The following TASOR variants were observed in gnomAD, a reference collection of about 807,000 sequenced individuals.
TASOR encodes protein TASOR.
TASOR carries 53 observed loss-of-function variants against 178.6 expected under a neutral mutation model. That is an observed-to-expected ratio of 0.30 (90% CI 0.24 to 0.37). The LOEUF (loss-of-function observed/expected upper bound fraction) is 0.37, where lower values mean the gene tolerates loss of function less well. TASOR is among the 10% of genes least tolerant of loss of function. The probability of loss-of-function intolerance (pLI) is 1.00; values close to 1 mark genes in which losing one functional copy is unlikely to be tolerated. For synonymous variants in TASOR, 713 were observed against 696.2 expected (o/e 1.02, Z -0.38); for missense variants, 1,815 against 1,971.4 (o/e 0.92, Z 1.50).
Position 56,624,662 on chromosome 3 carries a change from T to G in TASOR, c.4319-19A>C, listed in dbSNP as rs1188581571. On this transcript the variant is annotated intron_variant, in intron 22 of 23. Coordinates refer to ENST00000683822, the MANE Select transcript of TASOR (RefSeq NM_001365635.2). ...TTCTTCTCTAAATTAAGAAAAAAAG[T>G]TTCATGTATGAAACACTTCAAAATA... 6.2e-7 allele frequency: 1 copy of G among 1,602,362 alleles called. No homozygotes were observed. Among genetic ancestry groups the G allele is most frequent in the Non-Finnish European group, 8.5e-7 (1 of 1,174,934 alleles).
chr3:56,669,514 C>CA (rs1309379548), intron 5 of TASOR, among the ~76,000 whole-genome samples, 186 bp downstream of exon 5: 1 of 151,340 alleles, frequency 6.6e-6, no homozygotes, highest in Non-Finnish European at 1.5e-5. Context: ...CTCAAAAAAC[C>CA]AAAAAACAAA....
chr3:56,658,779 T>G (rs918345595), intron 11 of TASOR, among the ~76,000 whole-genome samples: 1 of 152,082 alleles, frequency 6.6e-6, no homozygotes, highest in Non-Finnish European at 1.5e-5. Context: ...TCGTGGCACA[T>G]GCCTCTAATC....
Position 56,622,946 on chromosome 3 carries a change from G to T in TASOR, c.*91C>A. 1 of 832,152 alleles carries T rather than the reference G, an allele frequency of 1.2e-6. No homozygotes were observed. The highest frequency in any genetic ancestry group is 1.8e-6 in the Non-Finnish European group (1 of 566,566). 51.5% of individuals were successfully genotyped at this position (832,152 alleles called of 1,614,324 possible). Reference sequence around the variant, plus strand: ...TTTAAATAAAAGAAAAAACATTTGAGAAAGAACAAGAACCTTTTGTTTAGA... The same window carrying T: ...TTTAAATAAAAGAAAAAACATTTGATAAAGAACAAGAACCTTTTGTTTAGA... On this transcript the variant is annotated 3_prime_UTR_variant, in exon 24 of 24. Coordinates refer to ENST00000683822, the MANE Select transcript of TASOR (RefSeq NM_001365635.2).
chr3:56,636,404 GTGT>G (rs1319501306), intron 17 of TASOR, among the ~76,000 whole-genome samples: 14 of 146,952 alleles, frequency 9.5e-5, no homozygotes, highest in South Asian at 2.2e-4. Flanking sequence ...GGTGGTGGTG[GTGT>G]TGTTGTTGTT....
chr3:56,660,489 CAAAAAAAAA>C (rs35016053), intron 11 of TASOR, among the ~76,000 whole-genome samples: 1 of 66,048 alleles, frequency 1.5e-5, no homozygotes, highest in Admixed American at 1.7e-4. Context: ...GACTCCGTCT[CAAAAAAAAA>C]AAAAAAAAAA....
chr3:56,648,784 T>C, intron 13 of TASOR, 38 bp downstream of exon 13: 1 of 1,449,066 alleles, frequency 6.9e-7, no homozygotes, highest in Non-Finnish European at 9.6e-7. Context: ...ATGTTAAGTA[T>C]CTATAAGTAA....
intron 1 of TASOR, among the ~76,000 whole-genome samples, chr3:56,681,148 T>G (rs1481752663): frequency 6.8e-6 from 1 of 147,956 alleles, no homozygotes; most frequent in Non-Finnish European, 1.5e-5. Flanking sequence ...ACCTTAAAAA[T>G]AGATTTCAAA....
intron 13 of TASOR, among the ~76,000 whole-genome samples, chr3:56,647,903 A>G (rs13068670): frequency 0.033 from 5,089 of 152,334 alleles, 112 homozygotes; most frequent in Middle Eastern, 0.078. Flanking sequence ...AAATAATCAT[A>G]CAAAACCCTC....
chr3:56,666,144 A>C, intron 7 of TASOR, 116 bp downstream of exon 7: 1 of 763,162 alleles, frequency 1.3e-6, no homozygotes, highest in Non-Finnish European at 1.8e-6. Context: ...ACCAACTTCA[A>C]GGGAAGTTAA....
At chr3:56,666,168 G>A in intron 7 of TASOR, 92 bp downstream of exon 7, 1 of 1,130,354 alleles carries the variant, frequency 8.8e-7, no homozygotes, top group Non-Finnish European at 1.1e-6. Context: ...AAAAAAAATG[G>A]GAAGGAAACA....
intron 3 of TASOR, 115 bp from the exon 4 acceptor site, chr3:56,670,260 C>A: frequency 1.8e-6 from 1 of 566,720 alleles, no homozygotes; most frequent in South Asian, 3.4e-5. Context: ...ATGTATCATT[C>A]TAGATCACAG....
intron 3 of TASOR, among the ~76,000 whole-genome samples, chr3:56,670,357 T>G (rs146997940): frequency 7.3e-4 from 111 of 152,276 alleles, no homozygotes; most frequent in Non-Finnish European, 1.4e-3. Context: ...TCCATTTTTC[T>G]TCATTTTAAT....
At chr3:56,662,016 G>C (rs996463441) in intron 9 of TASOR, among the ~76,000 whole-genome samples, 1 of 151,712 alleles carries the variant, frequency 6.6e-6, no homozygotes. Flanking sequence ...TGTAATCCCA[G>C]CTACTCAGGA....
At chr3:56,670,214 T>A (rs184364165) in intron 3 of TASOR, 69 bp from the exon 4 acceptor site, 4 of 981,592 alleles carry the variant, frequency 4.1e-6, no homozygotes, top group East Asian at 2.7e-5. Flanking sequence ...AATAATTTTA[T>A]AAACTTGGTT....
chr3:56,668,741 A>G (rs1203217378), intron 5 of TASOR, among the ~76,000 whole-genome samples, 183 bp from the exon 6 acceptor site: 1 of 152,212 alleles, frequency 6.6e-6, no homozygotes, highest in Non-Finnish European at 1.5e-5. Context: ...TGGGAGGCCA[A>G]GGCAGGCGGA....
At chr3:56,628,203 CAAATGAAGATG>C (rs1462682333) in intron 19 of TASOR, among the ~76,000 whole-genome samples, 2 of 152,182 alleles carry the variant, frequency 1.3e-5, no homozygotes, top group Admixed American at 1.3e-4. Context: ...CTAGGACATA[CAAATGAAGATG>C]AAAACATTAT....
intron 1 of TASOR, among the ~76,000 whole-genome samples, chr3:56,680,808 T>C (rs1436806402): frequency 1.3e-5 from 2 of 152,118 alleles, no homozygotes; most frequent in Admixed American, 1.3e-4. Context: ...CGATATATTT[T>C]CCTCCCAACT....
chr3:56,665,841 A>T (rs1184515812), intron 7 of TASOR, among the ~76,000 whole-genome samples: 3 of 151,994 alleles, frequency 2.0e-5, no homozygotes, highest in Non-Finnish European at 4.4e-5. Context: ...GCATGGTGGT[A>T]TGTGCCTGTA....
chr3:56,625,034 G>A (rs2076766951), intron 21 of TASOR, 28 bp from the exon 22 acceptor site: 2 of 1,588,226 alleles, frequency 1.3e-6, no homozygotes, highest in African/African-American at 1.4e-5. Context: ...TCAGTTTCTG[G>A]ATCTGTACTT....
Sources: gnomAD v4.1 joint callset for allele counts (sites outside exome capture counted in the v4.1 genomes callset) on GRCh38, gnomAD v4.1.1 for gene constraint, MANE v1.5 for transcripts, NCBI Gene and HGNC (gene_info 2026-07-23, HGNC 2026-07-21) for gene names.